Variants in ZGRF1 observed in about 807,000 individuals in gnomAD.
ZGRF1 encodes 5'-3' DNA helicase ZGRF1.
In ZGRF1, 196 loss-of-function variants were observed where a neutral mutation model predicts 203.5. That is an observed-to-expected ratio of 0.96 (90% CI 0.86 to 1.08). ZGRF1 has a LOEUF of 1.08. ZGRF1 is among the 50% of genes least tolerant of loss of function. The pLI, the probability that ZGRF1 is intolerant of heterozygous loss-of-function variation, is 0.00. For synonymous variants in ZGRF1, 809 were observed against 841.3 expected, an observed-to-expected ratio of 0.96 and a Z score of 0.66; for missense variants, 2,326 against 2,416.3, an observed-to-expected ratio of 0.96 and a Z score of 0.78.
At chr4:112,628,290 C>T (rs1337173920) in intron 3 of ZGRF1, among the ~76,000 whole-genome samples, 3 of 152,132 alleles carry the variant, frequency 2.0e-5, no homozygotes, top group African/African-American at 4.8e-5. Context: ...CTTTATGAAG[C>T]ATCATTTTCC....
Position 112,539,665 on chromosome 4 carries a change from G to C in ZGRF1, c.6197C>G (p.Ala2066Gly), listed in dbSNP as rs1315430307. Residue 2066 changes from alanine to glycine, a missense_variant, in exon 28 of 28, where the codon GCA becomes GGA. By Grantham distance (60) the Ala-to-Gly change is moderately conservative. Coordinates refer to ENST00000505019, the MANE Select transcript of ZGRF1 (RefSeq NM_018392.5). The stretch of plus-strand genomic sequence containing the variant: ...GTTCAGCTGTGGTTCATACTGGTTT[G>C]CATGTTGCAATCCATCTTCCCTTCC... ...CEGREDGLQHANQYEPQLNHL... is the reference protein window; with the variant it reads ...CEGREDGLQHGNQYEPQLNHL... 1 of 1,601,458 alleles carries C rather than the reference G, an allele frequency of 6.2e-7. No homozygotes were observed. The highest frequency in any genetic ancestry group is 8.5e-7 in the Non-Finnish European group (1 of 1,175,706).
At chr4:112,586,810 A>C (rs2149021565) in intron 12 of ZGRF1, among the ~76,000 whole-genome samples, 1 of 152,326 alleles carries the variant, frequency 6.6e-6, no homozygotes, top group South Asian at 2.1e-4. Flanking sequence ...TCTGCCCCTT[A>C]GTAAGTTTTT....
intron 3 of ZGRF1, among the ~76,000 whole-genome samples, chr4:112,624,461 A>T (rs2047164077): frequency 6.9e-6 from 1 of 145,406 alleles, no homozygotes; most frequent in Non-Finnish European, 1.5e-5. Flanking sequence ...CATCTCAATT[A>T]AAAAAAAAAA....
Position 112,617,901 on chromosome 4 carries a change from A to G in ZGRF1, c.2141T>C (p.Phe714Ser). The change falls in exon 6 of 28, where the codon TTT becomes TCT. Residue 714 changes from phenylalanine (F) to serine (S), a missense_variant. Phe to Ser is a radical substitution (Grantham distance 155). Coordinates refer to ENST00000505019, the MANE Select transcript of ZGRF1 (RefSeq NM_018392.5). ...LFSEDAQPQP[F>S]ILGSDLDKND... ...TTTGTCTAAGTCACTTCCCAAAATA[A>G]AAGGCTGAGGTTGAGCATCTTCTGA... 1.2e-6 allele frequency: 2 copies of G among 1,613,960 alleles called. No homozygotes were observed. The highest frequency in any genetic ancestry group is 1.7e-6 in the Non-Finnish European group (2 of 1,179,984).
At chr4:112,600,199 T>C (rs970582819) in intron 10 of ZGRF1, among the ~76,000 whole-genome samples, 21 of 152,058 alleles carry the variant, frequency 1.4e-4, no homozygotes, top group African/African-American at 4.8e-4. Context: ...ACCTACCTAA[T>C]TTTTAAATTT....
intron 24 of ZGRF1, chr4:112,547,022 T>G: frequency 3.6e-6 from 1 of 275,728 alleles, no homozygotes; most frequent in Non-Finnish European, 6.8e-6. Flanking sequence ...AATAGAGACA[T>G]TATAGGTTTT....
Position 112,617,903 on chromosome 4 carries a change from A to G in ZGRF1, c.2139T>C (p.Pro713=), listed in dbSNP as rs1431549211. 3 of 1,613,886 alleles carry G rather than the reference A, an allele frequency of 1.9e-6. No homozygotes were observed. The highest frequency in any genetic ancestry group is 2.5e-6 in the Non-Finnish European group (3 of 1,179,934). Residue 713 remains proline, a synonymous_variant, in exon 6 of 28, where the codon CCT becomes CCC. Transcript: ENST00000505019. ...TGTCTAAGTCACTTCCCAAAATAAA[A>G]GGCTGAGGTTGAGCATCTTCTGAAA... ...NLFSEDAQPQ[P]FILGSDLDKN...
chr4:112,556,797 C>A (rs182195385), intron 20 of ZGRF1, among the ~76,000 whole-genome samples: 1 of 152,296 alleles, frequency 6.6e-6, no homozygotes, highest in Non-Finnish European at 1.5e-5. Flanking sequence ...AATAAAACAT[C>A]TGTGTAGTCT....
chr4:112,594,170 C>G (rs1162418588), intron 10 of ZGRF1, among the ~76,000 whole-genome samples: 7 of 152,106 alleles, frequency 4.6e-5, no homozygotes, highest in African/African-American at 1.7e-4. Context: ...ATTAACATCT[C>G]CCTCCCCCTG....
intron 3 of ZGRF1, among the ~76,000 whole-genome samples, chr4:112,625,836 G>A (rs1041195578): frequency 1.3e-5 from 2 of 149,114 alleles, no homozygotes; most frequent in Non-Finnish European, 3.0e-5. Context: ...TGGATGTTTT[G>A]GTGAGCTGAG....
intron 7 of ZGRF1, among the ~76,000 whole-genome samples, chr4:112,610,368 C>T (rs1269511379): frequency 6.6e-6 from 1 of 151,824 alleles, no homozygotes. Flanking sequence ...GACAGGAGTT[C>T]GAGACCAGCC....
At chr4:112,587,115 C>T (rs181564548) in intron 12 of ZGRF1, among the ~76,000 whole-genome samples, 165 bp downstream of exon 12, 7 of 152,180 alleles carry the variant, frequency 4.6e-5, no homozygotes, top group South Asian at 2.1e-4. Flanking sequence ...ACTACTATTA[C>T]GAGAGATTTT....
intron 9 of ZGRF1, among the ~76,000 whole-genome samples, chr4:112,604,305 TATA>T (rs777946679): frequency 2.6e-5 from 4 of 151,762 alleles, no homozygotes; most frequent in Non-Finnish European, 5.9e-5. Context: ...TAAAGATGAG[TATA>T]ATAATAATAG....
At chr4:112,563,372 C>T (rs1742379358) in intron 16 of ZGRF1, 98 bp from the exon 17 acceptor site, 1 of 779,684 alleles carries the variant, frequency 1.3e-6, no homozygotes, top group Non-Finnish European at 2.0e-6. Context: ...GTACATATAT[C>T]TATAGTACAC....
intron 10 of ZGRF1, among the ~76,000 whole-genome samples, chr4:112,594,606 C>T (rs1229315857): frequency 6.6e-6 from 1 of 151,944 alleles, no homozygotes; most frequent in African/African-American, 2.4e-5. Context: ...GCACATGCCA[C>T]CACGCCCAGC....
intron 19 of ZGRF1, among the ~76,000 whole-genome samples, chr4:112,559,110 GCT>G (rs1436060337): frequency 1.4e-4 from 22 of 152,208 alleles, no homozygotes; most frequent in African/African-American, 4.6e-4. Flanking sequence ...AATCACAAAA[GCT>G]CTGTTTGCTA....
intron 3 of ZGRF1, among the ~76,000 whole-genome samples, chr4:112,627,137 C>A (rs539734365): frequency 1.3e-4 from 20 of 152,238 alleles, no homozygotes; most frequent in African/African-American, 4.1e-4. Context: ...CAAAATGGAA[C>A]TAAAAATCTT....
chr4:112,606,126 T>C (rs1750738950), intron 8 of ZGRF1, 35 bp from the exon 9 acceptor site: 1 of 1,279,124 alleles, frequency 7.8e-7, no homozygotes, highest in East Asian at 2.3e-5. Flanking sequence ...TCTAGTTAGC[T>C]AGAATAGTTT....
Position 112,599,834 on chromosome 4 carries a change from T to C in ZGRF1, c.2976+3690A>G, listed in dbSNP as rs187431977. 2.7e-3 allele frequency among the ~76,000 whole-genome samples: 404 copies of C among 152,280 alleles called. 8 individuals are homozygous for C. The highest frequency in any genetic ancestry group is 0.024 in the Admixed American group (368 of 15,278). On this transcript the variant is annotated intron_variant, in intron 10 of 27. Coordinates refer to ENST00000505019, the MANE Select transcript of ZGRF1 (RefSeq NM_018392.5). Reference sequence around the variant, plus strand: ...CCTTAATATATGGACCCTTGATTCATGGCAAAGGAATGAAGAAAAGATAGC... The same window carrying C: ...CCTTAATATATGGACCCTTGATTCACGGCAAAGGAATGAAGAAAAGATAGC...
Sources: allele counts gnomAD v4.1 joint callset (sites outside exome capture counted in the v4.1 genomes callset), GRCh38; gene constraint gnomAD v4.1.1; transcripts MANE v1.5; gene names NCBI Gene and HGNC (gene_info 2026-07-23, HGNC 2026-07-21).